DPP10: variants seen among roughly 807,000 people sequenced by gnomAD.
The protein encoded by DPP10 is inactive dipeptidyl peptidase 10.
A neutral mutation model predicts 120.9 loss-of-function variants in DPP10; 33 were observed. The ratio of observed to expected loss-of-function variants is 0.27; its 90% CI spans 0.21 to 0.37. The LOEUF (loss-of-function observed/expected upper bound fraction) is 0.37, where lower values mean the gene tolerates loss of function less well. DPP10 is among the 10% of genes least tolerant of loss of function. The probability of loss-of-function intolerance (pLI) is 1.00; values close to 1 mark genes in which losing one functional copy is unlikely to be tolerated. For synonymous variants in DPP10, 337 were observed against 326.1 expected (o/e 1.03, Z -0.36); for missense variants, 816 against 942.8 (o/e 0.87, Z 1.76).
chr2:114,858,734 T>C (rs779640387), intron 1 of DPP10, among the ~76,000 whole-genome samples: 4 of 152,184 alleles, frequency 2.6e-5, no homozygotes, highest in Non-Finnish European at 5.9e-5. Context: ...TTAGTATTAC[T>C]ATCATACCTA....
rs559770253 is a variant in DPP10 at position 115,161,766 on chromosome 2, G to A, written c.61-147473G>A. On this transcript the variant is annotated intron_variant, in intron 1 of 25. Coordinates refer to ENST00000410059, the MANE Select transcript of DPP10 (RefSeq NM_020868.6). ...GTCAGAGGGTCTGCGGTGGCCGAGG[G>A]AGGGACCCTACGACGGGGAGCCCGC... 1,130 of 491,662 alleles carry A rather than the reference G, an allele frequency of 2.3e-3. 5 individuals carry two copies. Among genetic ancestry groups the A allele is most frequent in the Middle Eastern group, 0.02 (34 of 1,728 alleles). 30.5% of individuals were successfully genotyped at this position (491,662 alleles called of 1,614,324 possible). A position where few individuals can be genotyped will look rare whatever the true frequency, so the allele number is the denominator to read the frequency against.
intron 7 of DPP10, among the ~76,000 whole-genome samples, chr2:115,700,532 A>G (rs183561874): frequency 1.1e-4 from 17 of 152,326 alleles, no homozygotes; most frequent in African/African-American, 3.8e-4. Flanking sequence ...AAACAAGGCA[A>G]GGATCCTTCC....
chr2:115,003,862 A>G (rs1701624672), intron 1 of DPP10, among the ~76,000 whole-genome samples: 3 of 152,160 alleles, frequency 2.0e-5, no homozygotes, highest in Admixed American at 1.3e-4. Context: ...ATAAAATTAT[A>G]TATTCTATTT....
intron 1 of DPP10, among the ~76,000 whole-genome samples, chr2:114,526,503 C>T (rs758021985): frequency 6.6e-6 from 1 of 152,112 alleles, no homozygotes; most frequent in Non-Finnish European, 1.5e-5. Context: ...ATAGAAAACA[C>T]CTTTATGTGT....
At chr2:115,277,757 A>C (rs1407853613) in intron 1 of DPP10, among the ~76,000 whole-genome samples, 1 of 152,130 alleles carries the variant, frequency 6.6e-6, no homozygotes, top group Non-Finnish European at 1.5e-5. Context: ...TAAAGATTTT[A>C]TTATATCTTG....
intron 1 of DPP10, among the ~76,000 whole-genome samples, chr2:115,105,369 C>G (rs1042608490): frequency 2.0e-5 from 3 of 151,184 alleles, no homozygotes; most frequent in African/African-American, 7.3e-5. Flanking sequence ...GTGAAGGCTT[C>G]AAGGAGCTTA....
At chr2:115,684,396 G>C (rs1167999374) in intron 5 of DPP10, among the ~76,000 whole-genome samples, 1 of 151,708 alleles carries the variant, frequency 6.6e-6, no homozygotes, top group Non-Finnish European at 1.5e-5. Flanking sequence ...CATTATCCTA[G>C]AACAAACTTG....
intron 1 of DPP10, among the ~76,000 whole-genome samples, chr2:114,633,098 A>G (rs1218925672): frequency 6.6e-6 from 1 of 151,114 alleles, no homozygotes; most frequent in East Asian, 1.9e-4. Context: ...TGCTATTGGG[A>G]TGTCATTGCT....
At chr2:115,512,388 G>A (rs755259976) in intron 4 of DPP10, among the ~76,000 whole-genome samples, 39 of 151,952 alleles carry the variant, frequency 2.6e-4, no homozygotes, top group Non-Finnish European at 5.0e-4. Flanking sequence ...ATGAGCCACC[G>A]CACATGGCCT....
chr2:114,639,284 G>A (rs1303216698), intron 1 of DPP10, among the ~76,000 whole-genome samples: 2 of 151,968 alleles, frequency 1.3e-5, no homozygotes, highest in Non-Finnish European at 2.9e-5. Flanking sequence ...CAGATCTCAT[G>A]ACACTTACTC....
At chr2:115,274,489 G>A (rs1000798645) in intron 1 of DPP10, among the ~76,000 whole-genome samples, 1 of 151,842 alleles carries the variant, frequency 6.6e-6, no homozygotes, top group African/African-American at 2.4e-5. Flanking sequence ...GAGAAGTTCC[G>A]AGATCCTCCA....
At chr2:115,801,662 A>G (rs536720398) in intron 19 of DPP10, among the ~76,000 whole-genome samples, 15 of 152,274 alleles carry the variant, frequency 9.9e-5, no homozygotes, top group African/African-American at 3.6e-4. Context: ...AATTTTGTCA[A>G]AGGCCTTCTC....
rs1177732708 is a variant in DPP10 at position 114,834,830 on chromosome 2, G to A, written c.60+391992G>A. On this transcript the variant is annotated intron_variant, in intron 1 of 25. Transcript: ENST00000410059. ...ATATAAGCCATGTCTACACACCTATGTATATATAAGCCATGTCTACACACC... is the reference window on the plus strand; with the variant it reads ...ATATAAGCCATGTCTACACACCTATATATATATAAGCCATGTCTACACACC... Among the ~76,000 whole-genome samples the A allele has an allele frequency of 3.3e-5, 5 of 149,392 alleles. 2 individuals carry two copies. The highest frequency in any genetic ancestry group is 1.3e-4 in the African/African-American group (5 of 39,872).
At chr2:115,483,597 A>G (rs981796873) in intron 3 of DPP10, among the ~76,000 whole-genome samples, 1 of 152,118 alleles carries the variant, frequency 6.6e-6, no homozygotes, top group Admixed American at 6.6e-5. Context: ...AGATGAGGAA[A>G]ATTTGGTTAA....
chr2:115,099,989 C>A (rs2048599111), intron 1 of DPP10, among the ~76,000 whole-genome samples: 1 of 152,142 alleles, frequency 6.6e-6, no homozygotes, highest in Admixed American at 6.5e-5. Context: ...CTGACAGAGA[C>A]CCTGTGAGTA....
chr2:114,779,907 C>T lies in DPP10; in HGVS notation c.60+337069C>T, dbSNP rs575697409. 7.9e-5 allele frequency among the ~76,000 whole-genome samples: 12 copies of T among 151,976 alleles called. No individual in the cohort carries two copies. The South Asian group carries it at 1.7e-3, about 21-fold the overall frequency. ...ATCCCAGCACTTTGGGAGGCCAAGGCGGGCGGATCACGAGGTCAGGAGATC... is the reference window on the plus strand; with the variant it reads ...ATCCCAGCACTTTGGGAGGCCAAGGTGGGCGGATCACGAGGTCAGGAGATC... On this transcript the variant is annotated intron_variant, in intron 1 of 25. Transcript: ENST00000410059.
intron 1 of DPP10, among the ~76,000 whole-genome samples, chr2:114,919,529 A>G (rs1695043728): frequency 6.6e-6 from 1 of 152,328 alleles, no homozygotes; most frequent in East Asian, 1.9e-4. Context: ...AATTTTTTTC[A>G]TTAATGAATC....
At chr2:115,378,669 G>A (rs1037397772) in intron 3 of DPP10, among the ~76,000 whole-genome samples, 5 of 151,806 alleles carry the variant, frequency 3.3e-5, no homozygotes, top group African/African-American at 1.2e-4. Flanking sequence ...TGCCCATTCA[G>A]TATGATATTG....
intron 1 of DPP10, among the ~76,000 whole-genome samples, chr2:115,047,877 C>G (rs1300595201): frequency 6.6e-6 from 1 of 152,034 alleles, no homozygotes; most frequent in Non-Finnish European, 1.5e-5. Flanking sequence ...CTAAATGTGA[C>G]TTCTATCTCT....
Sources: gnomAD v4.1 joint callset for allele counts (sites outside exome capture counted in the v4.1 genomes callset) on GRCh38, gnomAD v4.1.1 for gene constraint, MANE v1.5 for transcripts, NCBI Gene and HGNC (gene_info 2026-07-23, HGNC 2026-07-21) for gene names.